ERC1: variants seen among roughly 807,000 people sequenced by gnomAD.
The protein encoded by ERC1 is RAB6 interacting protein 2.
In ERC1, 56 loss-of-function variants were observed where a neutral mutation model predicts 132.0. The ratio of observed to expected loss-of-function variants is 0.42; its 90% CI spans 0.34 to 0.53. ERC1 has a LOEUF of 0.53. ERC1 is among the 20% of genes least tolerant of loss of function. The pLI, the probability that ERC1 is intolerant of heterozygous loss-of-function variation, is 0.03. For synonymous variants in ERC1, 478 were observed against 476.1 expected, an observed-to-expected ratio of 1.00 and a Z score of -0.05; for missense variants, 1,202 against 1,349.9, an observed-to-expected ratio of 0.89 and a Z score of 1.72.
At chr12:1,464,847 A>T (rs1480171833) in intron 18 of ERC1, among the ~76,000 whole-genome samples, 1 of 151,916 alleles carries the variant, frequency 6.6e-6, no homozygotes, top group Non-Finnish European at 1.5e-5. Flanking sequence ...TCTAGTTTTT[A>T]TTAGCTTGGC....
chr12:1,217,061 C>T (rs1489107998), intron 12 of ERC1, among the ~76,000 whole-genome samples: 1 of 152,202 alleles, frequency 6.6e-6, no homozygotes, highest in Non-Finnish European at 1.5e-5. Flanking sequence ...CATAAAAGTG[C>T]TCCGTGCTTT....
At chr12:1,339,235 A>G (rs2083585598) in intron 15 of ERC1, among the ~76,000 whole-genome samples, 1 of 143,536 alleles carries the variant, frequency 7.0e-6, no homozygotes, top group Non-Finnish European at 1.5e-5. Context: ...GCTCAGCTGG[A>G]CGACTGTGAC....
chr12:1,028,049 G>T lies in ERC1; in HGVS notation c.146G>T (p.Gly49Val), dbSNP rs747891154. 2 of 1,614,166 alleles carry T rather than the reference G, an allele frequency of 1.2e-6. No individual in the cohort carries two copies. The highest frequency in any genetic ancestry group is 1.1e-5 in the South Asian group (1 of 91,080). Residue 49 changes from glycine (G) to valine (V), a missense_variant, in exon 2 of 19, where the codon GGC becomes GTC. By Grantham distance (109) the Gly-to-Val change is moderately radical. Transcript: ENST00000360905. ...GGSSGSSVGG[G>V]SGKTLSMENI... ...AGTTCGGGAAGCAGTGTTGGAGGTG[G>T]CAGTGGGAAAACCCTTTCAATGGAA...
At chr12:1,233,428 G>A (rs1052271589) in intron 12 of ERC1, among the ~76,000 whole-genome samples, 8 of 133,808 alleles carry the variant, frequency 6.0e-5, no homozygotes, top group East Asian at 2.1e-4. Flanking sequence ...CCAACATTGC[G>A]CCACTGCACT....
chr12:1,390,698 A>G (rs939728838), intron 16 of ERC1: 7 of 152,218 alleles, frequency 4.6e-5, no homozygotes, highest in Admixed American at 1.3e-4. Flanking sequence ...TGAATTTTGG[A>G]GTATTAAATG....
At chr12:1,066,084 G>A (rs1939126297) in intron 2 of ERC1, among the ~76,000 whole-genome samples, 1 of 152,176 alleles carries the variant, frequency 6.6e-6, no homozygotes, top group Non-Finnish European at 1.5e-5. Context: ...TATGGAACTA[G>A]GTAGAGGCAG....
rs557370156 is a variant in ERC1 at position 1,434,326 on chromosome 12, AT to A, written c.3025-10235del. Reference sequence around the variant, plus strand: ...GAGCCTGGGAGATTAAAAAATAGATATATGAAGATTCTATATAAGCTTAACT... The same window carrying A: ...GAGCCTGGGAGATTAAAAAATAGATAATGAAGATTCTATATAAGCTTAACT... On this transcript the variant is annotated intron_variant, in intron 17 of 18. Transcript: ENST00000360905. 1.7e-3 allele frequency among the ~76,000 whole-genome samples: 261 copies of A among 152,318 alleles called. 1 individual carries two copies. Among genetic ancestry groups the A allele is most frequent in the Non-Finnish European group, 3.0e-3 (203 of 68,032 alleles).
At chr12:1,243,207 GAA>G (rs528544729) in intron 13 of ERC1, among the ~76,000 whole-genome samples, 14 of 139,004 alleles carry the variant, frequency 1.0e-4, no homozygotes, top group Admixed American at 1.5e-4. Context: ...AAAAAAAAAA[GAA>G]AAAAAAAAAA....
intron 15 of ERC1, among the ~76,000 whole-genome samples, chr12:1,321,103 G>A (rs1448880826): frequency 6.6e-6 from 1 of 152,196 alleles, no homozygotes; most frequent in African/African-American, 2.4e-5. Context: ...GGCACACATG[G>A]TAACATGGCG....
intron 8 of ERC1, among the ~76,000 whole-genome samples, chr12:1,146,626 T>TA (rs1341095121): frequency 8.7e-5 from 13 of 149,684 alleles, no homozygotes; most frequent in African/African-American, 2.0e-4. Context: ...TTTTTTTTTT[T>TA]AAATTTTATT....
At chr12:1,204,612 G>A in intron 12 of ERC1, 1 of 1,080,120 alleles carries the variant, frequency 9.3e-7, no homozygotes, top group Non-Finnish European at 1.3e-6. Context: ...TCAGGAGAGG[G>A]ATATCTAGAA....
At chr12:1,446,088 G>A (rs1381365040) in intron 18 of ERC1, among the ~76,000 whole-genome samples, 1 of 152,096 alleles carries the variant, frequency 6.6e-6, no homozygotes, top group African/African-American at 2.4e-5. Context: ...ATGAATTGAG[G>A]GGAGGAGGGT....
At chr12:1,406,106 T>C (rs568775645) in intron 16 of ERC1, among the ~76,000 whole-genome samples, 1 of 152,228 alleles carries the variant, frequency 6.6e-6, no homozygotes, top group Admixed American at 6.5e-5. Flanking sequence ...AGTGCTCTCC[T>C]TGTGTTAATT....
At chr12:1,019,009 A>G (rs1246701122) in intron 1 of ERC1, among the ~76,000 whole-genome samples, 1 of 152,228 alleles carries the variant, frequency 6.6e-6, no homozygotes, top group Non-Finnish European at 1.5e-5. Flanking sequence ...AGGGAATTGC[A>G]TAGACCTGAT....
chr12:1,215,154 A>G (rs961730189), intron 12 of ERC1, among the ~76,000 whole-genome samples: 6 of 152,196 alleles, frequency 3.9e-5, no homozygotes, highest in African/African-American at 1.4e-4. Context: ...AGTTTCATTT[A>G]TATTTATGGA....
chr12:1,125,392 A>T (rs1220272465), intron 7 of ERC1, among the ~76,000 whole-genome samples: 1 of 152,104 alleles, frequency 6.6e-6, no homozygotes, highest in South Asian at 2.1e-4. Flanking sequence ...CTAATACTCT[A>T]CCCAAGGATA....
At chr12:1,208,110 C>G (rs1251095210) in intron 12 of ERC1, among the ~76,000 whole-genome samples, 1 of 152,176 alleles carries the variant, frequency 6.6e-6, no homozygotes, top group African/African-American at 2.4e-5. Flanking sequence ...TCCCGTTTCA[C>G]AGATCAGAAA....
At chr12:1,169,060 A>C (rs1263257906) in intron 8 of ERC1, among the ~76,000 whole-genome samples, 3 of 152,192 alleles carry the variant, frequency 2.0e-5, no homozygotes, top group Non-Finnish European at 4.4e-5. Context: ...CAAGTTGGTG[A>C]TATACACTGG....
intron 17 of ERC1, among the ~76,000 whole-genome samples, chr12:1,425,261 G>A (rs76653618): frequency 0.035 from 5,385 of 152,306 alleles, 156 homozygotes; most frequent in African/African-American, 0.072. Context: ...GTAGTTGGCA[G>A]TGAGAGCACT....
Sources: allele counts gnomAD v4.1 joint callset (sites outside exome capture counted in the v4.1 genomes callset), GRCh38; gene constraint gnomAD v4.1.1; transcripts MANE v1.5; gene names NCBI Gene and HGNC (gene_info 2026-07-23, HGNC 2026-07-21).